APC: variants seen among roughly 807,000 people sequenced by gnomAD.
APC encodes adenomatous polyposis coli protein.
APC carries 72 observed loss-of-function variants against 247.0 expected under a neutral mutation model. The ratio of observed to expected loss-of-function variants is 0.29; its 90% CI spans 0.24 to 0.35. The LOEUF is 0.35. Ranked by LOEUF, APC falls within the 10% of genes least tolerant of loss-of-function variation. The pLI, the probability that APC is intolerant of heterozygous loss-of-function variation, is 1.00. For missense variants in APC, 3,400 were observed against 3,360.7 expected (o/e 1.01, Z -0.29); for synonymous variants, 1,254 against 1,162.5 (o/e 1.08, Z -1.60).
rs182500056 is a variant in APC, at chr5:112,707,586, G to A, written c.-132G>A. On this transcript the variant is annotated 5_prime_UTR_variant, in exon 1 of 14. Coordinates refer to the APC transcript ENST00000507379. The stretch of plus-strand genomic sequence containing the variant: ...GCCGCCGGAAGCCTAGCCGCTGCTC[G>A]GGGGGGACCTGCGGGCTCAGGCCCG... The A allele has an allele frequency of 5.2e-6, 5 of 969,912 alleles. No homozygotes were observed. The highest frequency in any genetic ancestry group is 7.5e-5 in the East Asian group (2 of 26,568). The allele number at this position is 969,912 out of a possible 1,614,324, so 60.1% of individuals were successfully genotyped here. A position where few individuals can be genotyped will look rare whatever the true frequency, so the allele number is the denominator to read the frequency against.
rs1221895599 is a variant in APC, at chr5:112,842,910, G to T, written c.7316G>T (p.Arg2439Leu). ...SDRSERPVLV[R>L]QSTFIKEAPS... is the part of the protein sequence containing the mutation. Reference sequence around the variant, plus strand: ...AGATCAGAAAGACCTGTATTAGTACGCCAGTCAACTTTCATCAAAGAAGCT... The same window carrying T: ...AGATCAGAAAGACCTGTATTAGTACTCCAGTCAACTTTCATCAAAGAAGCT... Residue 2439 changes from arginine (R) to leucine (L), a missense_variant, in exon 16 of 16, where the codon CGC becomes CTC. By Grantham distance (102) the Arg-to-Leu change is moderately radical. Around this residue, in one of 9 missense-constraint regions of APC, gnomAD observed 1,788 missense variants for 1,649.5 expected, o/e 1.08. Transcript: ENST00000257430. The T allele has an allele frequency of 6.2e-7, 1 of 1,613,970 alleles. No homozygotes were observed.
chr5:112,783,227 T>C (rs1326359988), intron 6 of APC, among the ~76,000 whole-genome samples: 1 of 152,204 alleles, frequency 6.6e-6, no homozygotes, highest in Non-Finnish European at 1.5e-5. Flanking sequence ...TTGAGTTCTT[T>C]CTTGGCCATT....
intron 6 of APC, among the ~76,000 whole-genome samples, chr5:112,781,330 A>G (rs1047834759): frequency 6.6e-6 from 1 of 152,224 alleles, no homozygotes. Context: ...TTTAGGAGAG[A>G]TGAAGTAAGT....
chr5:112,709,610 C>T (rs1750732162), intron 1 of APC, among the ~76,000 whole-genome samples: 2 of 152,176 alleles, frequency 1.3e-5, no homozygotes, highest in African/African-American at 4.8e-5. Context: ...TTTAAAACCT[C>T]TCACTTTGGC....
At chr5:112,755,143 A>G in intron 2 of APC, 118 bp downstream of exon 2, 1 of 1,410,022 alleles carries the variant, frequency 7.1e-7, no homozygotes, top group Non-Finnish European at 9.6e-7. Context: ...AATAATATGT[A>G]AACTCTTTCT....
intron 8 of APC, among the ~76,000 whole-genome samples, chr5:112,808,325 C>T (rs1188059499): frequency 1.3e-5 from 2 of 152,120 alleles, no homozygotes; most frequent in Non-Finnish European, 2.9e-5. Context: ...AGATAAGGTC[C>T]ATGAATAGGA....
intron 4 of APC, among the ~76,000 whole-genome samples, chr5:112,774,401 C>G (rs1172805727): frequency 6.6e-6 from 1 of 151,022 alleles, no homozygotes; most frequent in Non-Finnish European, 1.5e-5. Flanking sequence ...AAAAACACTT[C>G]TAGTCACAAT....
At chr5:112,823,468 G>A (rs1392706777) in intron 11 of APC, 1 of 152,566 alleles carries the variant, frequency 6.6e-6, no homozygotes, top group African/African-American at 2.4e-5. Context: ...GGCAAAAGGA[G>A]GATTAGGGTG....
intron 7 of APC, among the ~76,000 whole-genome samples, chr5:112,796,176 A>G (rs1415613630): frequency 6.6e-6 from 1 of 152,234 alleles, no homozygotes; most frequent in Non-Finnish European, 1.5e-5. Context: ...TCTGCCAGCT[A>G]TGATTAGAAT....
intron 6 of APC, 119 bp from the exon 7 acceptor site, chr5:112,792,326 CT>C: frequency 1.5e-6 from 1 of 645,832 alleles, no homozygotes; most frequent in African/African-American, 1.9e-5. Context: ...ATATGTCTAG[CT>C]TTTTAAATGA....
intron 2 of APC, among the ~76,000 whole-genome samples, chr5:112,755,292 A>G (rs1381160357): frequency 1.3e-5 from 2 of 152,236 alleles, no homozygotes; most frequent in Non-Finnish European, 2.9e-5. Context: ...GACCAAATAT[A>G]GCATCACTGT....
In APC at chr5:112,815,517, A is replaced by G. The variant is rs1554079141; in HGVS notation, c.857A>G (p.His286Arg). Reference protein sequence around the residue: ...NGQGSTTRMDHETASVLSSSS... With the variant: ...NGQGSTTRMDRETASVLSSSS... ...TAGGGTTCAACTACACGAATGGACCATGAAACAGCCAGTGTTTTGAGTTCT... is the reference window on the plus strand; with the variant it reads ...TAGGGTTCAACTACACGAATGGACCGTGAAACAGCCAGTGTTTTGAGTTCT... The change falls in exon 9 of 16, where the codon CAT becomes CGT. Residue 286 changes from histidine (H) to arginine (R), a missense_variant. Physicochemically the swap from His to Arg is conservative, Grantham distance 29. Coordinates refer to ENST00000257430, the MANE Select transcript of APC (RefSeq NM_000038.6). The G allele has an allele frequency of 1.9e-6, 3 of 1,612,210 alleles. No individual in the cohort carries two copies. The highest frequency in any genetic ancestry group is 2.5e-6 in the Non-Finnish European group (3 of 1,178,714).
At chr5:112,820,363 A>G (rs1220285940) in intron 10 of APC, among the ~76,000 whole-genome samples, 2 of 152,160 alleles carry the variant, frequency 1.3e-5, no homozygotes, top group Non-Finnish European at 2.9e-5. Flanking sequence ...TTCAAGGATA[A>G]GAAAGGCCAG....
Position 112,801,981 on chromosome 5 carries a change from T to C in APC, c.834+598T>C, listed in dbSNP as rs1216299857. 2.6e-5 allele frequency among the ~76,000 whole-genome samples: 4 copies of C among 152,102 alleles called. No homozygotes were observed. The East Asian group carries it at 7.7e-4, about 29-fold the overall frequency. On this transcript the variant is annotated intron_variant, in intron 8 of 15. Coordinates refer to ENST00000257430, the MANE Select transcript of APC (RefSeq NM_000038.6). ...TGTTATTTGTTATGCTACCATCCGTTATCTTATTAGATTTTTATTGAAATA... is the reference window on the plus strand; with the variant it reads ...TGTTATTTGTTATGCTACCATCCGTCATCTTATTAGATTTTTATTGAAATA...
At chr5:112,801,589 A>G (rs111341341) in intron 8 of APC, among the ~76,000 whole-genome samples, 146 of 152,176 alleles carry the variant, frequency 9.6e-4, no homozygotes, top group African/African-American at 3.1e-3. Context: ...ATCTATTTCT[A>G]TAGCTATAGA....
In APC at chr5:112,846,072, C is replaced by T. The variant is rs1398700118; in HGVS notation, c.*1946C>T. 1 of 232,092 alleles carries T rather than the reference C, an allele frequency of 4.3e-6. No homozygotes were observed. The highest frequency in any genetic ancestry group is 8.5e-6 in the Non-Finnish European group (1 of 117,460). The allele number at this position is 232,092 out of a possible 1,614,324, so 14.4% of individuals were successfully genotyped here. A position where few individuals can be genotyped will look rare whatever the true frequency, so the allele number is the denominator to read the frequency against. On this transcript the variant is annotated 3_prime_UTR_variant, in exon 16 of 16. Coordinates refer to ENST00000257430, the MANE Select transcript of APC (RefSeq NM_000038.6). ...CTATGACTTGAGCTAAGATATTTGA[C>T]TCCAATGCCTGTACTGTGTCTACTG...
chr5:112,724,098 T>C (rs1751634748), intron 1 of APC, among the ~76,000 whole-genome samples: 1 of 152,232 alleles, frequency 6.6e-6, no homozygotes, highest in Non-Finnish European at 1.5e-5. Context: ...TGATCTCTTA[T>C]TGTTAGTAAA....
Position 112,843,959 on chromosome 5 carries a change from A to G in APC, c.8365A>G (p.Ser2789Gly), listed in dbSNP as rs1554089077. Residue 2789 changes from serine (S) to glycine (G), a missense_variant, in exon 16 of 16, where the codon AGC becomes GGC. Ser to Gly is a moderately conservative substitution (Grantham distance 56). Coordinates refer to ENST00000257430, the MANE Select transcript of APC (RefSeq NM_000038.6). The surrounding 1 kb of genome is among the most constrained non-coding windows in gnomAD (Gnocchi z 4.8). ...AGTGACTCCTTTTAATTACAACCCA[A>G]GCCCTAGGAAAAGCAGCGCAGATAG... ...ARVTPFNYNP[S>G]PRKSSADSTS... 6.2e-7 allele frequency: 1 copy of G among 1,606,296 alleles called. No individual in the cohort carries two copies. Among genetic ancestry groups the G allele is most frequent in the African/African-American group, 1.3e-5 (1 of 74,508 alleles).
chr5:112,773,251 A>G (rs1174886351), intron 4 of APC, among the ~76,000 whole-genome samples: 1 of 152,182 alleles, frequency 6.6e-6, no homozygotes, highest in Non-Finnish European at 1.5e-5. Context: ...CACTACTAAG[A>G]TTCATTCCCA....
Sources: allele counts gnomAD v4.1 joint callset (sites outside exome capture counted in the v4.1 genomes callset), GRCh38; gene constraint gnomAD v4.1.1; regional missense constraint gnomAD v4.1.1; non-coding constraint Gnocchi (gnomAD v3.1); transcripts MANE v1.5; gene names NCBI Gene and HGNC (gene_info 2026-07-23, HGNC 2026-07-21).